Variants in ARID4B observed in about 807,000 individuals in gnomAD.
ARID4B encodes AT-rich interactive domain-containing protein 4B.
ARID4B carries 26 observed loss-of-function variants against 147.5 expected under a neutral mutation model. That is an observed-to-expected ratio of 0.18 (90% CI 0.13 to 0.24). The LOEUF (loss-of-function observed/expected upper bound fraction) is 0.24, where lower values mean the gene tolerates loss of function less well. Ranked by LOEUF, ARID4B falls within the 10% of genes least tolerant of loss-of-function variation. The pLI is 1.00. For missense variants in ARID4B, 1,179 were observed against 1,511.5 expected, an observed-to-expected ratio of 0.78 and a Z score of 3.65; for synonymous variants, 512 against 507.9, an observed-to-expected ratio of 1.01 and a Z score of -0.11.
chr1:235,233,725 T>A (rs56269336), intron 9 of ARID4B, among the ~76,000 whole-genome samples: 1 of 152,134 alleles, frequency 6.6e-6, no homozygotes, highest in African/African-American at 2.4e-5. Flanking sequence ...ACATAACTAG[T>A]AGAAGTATTG....
chr1:235,204,227 CAGG>C (rs1451086096), intron 17 of ARID4B, among the ~76,000 whole-genome samples: 1 of 152,096 alleles, frequency 6.6e-6, no homozygotes, highest in Non-Finnish European at 1.5e-5. Flanking sequence ...GAGGCTGAGG[CAGG>C]AGAATTGCTT....
At chr1:235,307,398 T>C (rs891449633) in intron 2 of ARID4B, among the ~76,000 whole-genome samples, 19 of 152,288 alleles carry the variant, frequency 1.2e-4, no homozygotes, top group African/African-American at 3.6e-4. Flanking sequence ...TGAATTATGA[T>C]CACACCGCTA....
chr1:235,310,180 A>T (rs1349233176), intron 2 of ARID4B, among the ~76,000 whole-genome samples: 1 of 150,562 alleles, frequency 6.6e-6, no homozygotes, highest in African/African-American at 2.5e-5. Flanking sequence ...TCAATAAAAA[A>T]AAATAAAAAA....
chr1:235,303,778 T>C (rs77105699), intron 2 of ARID4B, among the ~76,000 whole-genome samples: 47 of 152,300 alleles, frequency 3.1e-4, no homozygotes, highest in African/African-American at 1.1e-3. Flanking sequence ...GCTATATGAA[T>C]CTGACTTCCA....
intron 2 of ARID4B, among the ~76,000 whole-genome samples, chr1:235,323,444 A>G (rs1254686109): frequency 1.3e-5 from 2 of 152,222 alleles, no homozygotes. Context: ...AAAGACGTTA[A>G]TAACATGTAC....
chr1:235,327,204 T>C, intron 1 of ARID4B: 1 of 394,654 alleles, frequency 2.5e-6, no homozygotes, highest in Non-Finnish European at 4.7e-6. Context: ...CCCGACGGAG[T>C]TTCCCGTCTA....
At chr1:235,327,195 C>G (rs1558319514) in intron 1 of ARID4B, 1 of 419,714 alleles carries the variant, frequency 2.4e-6, no homozygotes, top group Non-Finnish European at 4.4e-6. Flanking sequence ...TTGTCGAGAC[C>G]CGACGGAGTT....
At chr1:235,224,669 C>T (rs1369652873) in intron 12 of ARID4B, 34 bp downstream of exon 12, 1 of 1,422,674 alleles carries the variant, frequency 7.0e-7, no homozygotes, top group Non-Finnish European at 9.8e-7. Flanking sequence ...CTGTCCAAAA[C>T]TTACCACGTT....
intron 6 of ARID4B, among the ~76,000 whole-genome samples, chr1:235,249,998 T>A (rs1478000666): frequency 6.7e-6 from 1 of 149,248 alleles, no homozygotes; most frequent in Non-Finnish European, 1.5e-5. Flanking sequence ...TTCCAGCTAC[T>A]CGGGAGGCTG....
rs139676991 is a variant in ARID4B at position 235,276,970 on chromosome 1, G to A, written c.7-16218C>T. On this transcript the variant is annotated intron_variant, in intron 2 of 23. Coordinates refer to ENST00000264183, the MANE Select transcript of ARID4B (RefSeq NM_016374.6). ...AGTCGAGATTGTGCACTGCAATCAA[G>A]CCTAGGTGATGGAGCAAAACACCAT... Among the ~76,000 whole-genome samples, 152 of 147,454 alleles carry A rather than the reference G, an allele frequency of 1.0e-3. 2 individuals carry two copies. The East Asian group carries it at 0.028, about 27-fold the overall frequency.
intron 2 of ARID4B, among the ~76,000 whole-genome samples, chr1:235,326,002 A>G (rs1675207974): frequency 6.6e-6 from 1 of 152,198 alleles, no homozygotes. Flanking sequence ...CTAACATGCT[A>G]TCTGTTGCAT....
At chr1:235,310,666 G>A (rs1302980792) in intron 2 of ARID4B, among the ~76,000 whole-genome samples, 1 of 152,038 alleles carries the variant, frequency 6.6e-6, no homozygotes, top group African/African-American at 2.4e-5. Flanking sequence ...CAAAATTAAC[G>A]TGTTTTTGAT....
intron 19 of ARID4B, among the ~76,000 whole-genome samples, chr1:235,189,191 G>C (rs535640556): frequency 6.6e-6 from 1 of 151,912 alleles, no homozygotes; most frequent in South Asian, 2.1e-4. Flanking sequence ...ACAAGGTCAG[G>C]AGTTCAAGAC....
In ARID4B at chr1:235,215,575, GTGTGTATA is replaced by G. The variant is rs1468818143; in HGVS notation, c.1584-1557_1584-1550del. On this transcript the variant is annotated intron_variant, in intron 16 of 23. Transcript: ENST00000264183. ...TGTGTGTGTGTGTGTGTGTGTGTGT[GTGTGTATA>G]TATTTTTCCCCCCCTTGGAGACATG... 1.0e-4 allele frequency among the ~76,000 whole-genome samples: 15 copies of G among 145,664 alleles called. No homozygotes were observed. In the South Asian group the frequency reaches 2.3e-3, roughly 22 times the overall value.
chr1:235,167,826 T>TA lies in ARID4B; in HGVS notation c.*698dup, dbSNP rs572260519. On this transcript the variant is annotated 3_prime_UTR_variant, in exon 24 of 24. Transcript: ENST00000264183. ...TTTTTCACACAATGTATATCAAAAT[T>TA]AAAAAAAAATACTGATTTATAGAAA... The TA allele has an allele frequency of 2.5e-4, 49 of 192,902 alleles. 1 individual carries two copies. The highest frequency in any genetic ancestry group is 4.1e-4 in the East Asian group (5 of 12,070). The allele number at this position is 192,902 out of a possible 1,614,324, so 11.9% of individuals were successfully genotyped here.
chr1:235,226,487 A>G (rs967836344), intron 11 of ARID4B, among the ~76,000 whole-genome samples: 1 of 151,308 alleles, frequency 6.6e-6, no homozygotes, highest in Non-Finnish European at 1.5e-5. Context: ...CAGCCTCCCT[A>G]GTAGCTGGGA....
At chr1:235,314,582 C>T (rs1374629334) in intron 2 of ARID4B, among the ~76,000 whole-genome samples, 1 of 152,064 alleles carries the variant, frequency 6.6e-6, no homozygotes, top group African/African-American at 2.4e-5. Context: ...CAGTCATATT[C>T]AAGCAGTAAA....
intron 17 of ARID4B, among the ~76,000 whole-genome samples, chr1:235,198,541 G>C (rs1263971997): frequency 6.6e-6 from 1 of 152,120 alleles, no homozygotes; most frequent in Non-Finnish European, 1.5e-5. Flanking sequence ...ATGGATGCTT[G>C]GTATGGTACA....
At chr1:235,194,338 TAAG>T (rs1665341080) in intron 18 of ARID4B, 127 bp from the exon 19 acceptor site, 3 of 780,916 alleles carry the variant, frequency 3.8e-6, no homozygotes, top group South Asian at 3.8e-5. Flanking sequence ...AGAAAGAACA[TAAG>T]AAGCCCCTCA....
Sources: allele counts gnomAD v4.1 joint callset (sites outside exome capture counted in the v4.1 genomes callset), GRCh38; gene constraint gnomAD v4.1.1; transcripts MANE v1.5; gene names NCBI Gene and HGNC (gene_info 2026-07-23, HGNC 2026-07-21).